The following PRELID2 variants were observed in gnomAD, a reference collection of about 807,000 sequenced individuals.
The protein encoded by PRELID2 is PRELI domain-containing protein 2.
A neutral mutation model predicts 28.4 loss-of-function variants in PRELID2; 25 were observed. That is an observed-to-expected ratio of 0.88 (90% CI 0.64 to 1.23). PRELID2 has a LOEUF of 1.23. Ranked by LOEUF, PRELID2 falls within the 50% of genes most tolerant of loss-of-function variation. The pLI, the probability that PRELID2 is intolerant of heterozygous loss-of-function variation, is 0.00. For missense variants in PRELID2, 201 were observed against 214.4 expected (o/e 0.94, Z 0.39); for synonymous variants, 76 against 71.6 (o/e 1.06, Z -0.31).
chr5:145,369,018 G>A, the PRELID2 span, among the ~76,000 whole-genome samples: 12 of 151,506 alleles, frequency 7.9e-5, no homozygotes, highest in South Asian at 4.2e-4. Context: ...CTATGTGTCC[G>A]TGTATTTTCA....
At chr5:145,413,071 A>G in the PRELID2 span, among the ~76,000 whole-genome samples, 1,724 of 152,316 alleles carry the variant, frequency 0.011, 42 homozygotes, top group African/African-American at 0.039. Context: ...GGACATAGCC[A>G]AACCATATCA....
At chr5:145,330,561 A>T in the PRELID2 span, among the ~76,000 whole-genome samples, 3 of 152,186 alleles carry the variant, frequency 2.0e-5, no homozygotes, top group African/African-American at 7.2e-5. Context: ...TTATTTGCAT[A>T]GAGATGTTTA....
rs1203835672 is a variant in PRELID2 at position 145,826,170 on chromosome 5, T to G, written c.76-3036A>C. On this transcript the variant is annotated intron_variant, in intron 1 of 6. Transcript: ENST00000683046. ...CCTAGAGAAGCTGCCATGCGCATGATCTCATTCAGTCCTTCTCAAAGCGTG... is the reference window on the plus strand; with the variant it reads ...CCTAGAGAAGCTGCCATGCGCATGAGCTCATTCAGTCCTTCTCAAAGCGTG... The G allele has an allele frequency of 1.3e-5, 13 of 985,264 alleles. No homozygotes were observed. In the Admixed American group the frequency reaches 8.0e-4, roughly 61 times the overall value. 61.0% of individuals were successfully genotyped at this position (985,264 alleles called of 1,614,324 possible).
At chr5:145,516,667 C>A (rs1222417822) in intron 1 of PRELID2, among the ~76,000 whole-genome samples, 1 of 151,960 alleles carries the variant, frequency 6.6e-6, no homozygotes, top group Non-Finnish European at 1.5e-5. Context: ...CAAAAAAGAC[C>A]CCATATAGTG....
At chr5:145,449,529 A>G in the PRELID2 span, among the ~76,000 whole-genome samples, 1 of 151,946 alleles carries the variant, frequency 6.6e-6, no homozygotes, top group South Asian at 2.1e-4. Context: ...TGGGGTTTAT[A>G]TGGGTACATA....
chr5:145,290,187 T>C, the PRELID2 span, among the ~76,000 whole-genome samples: 1 of 152,140 alleles, frequency 6.6e-6, no homozygotes, highest in Admixed American at 6.5e-5. Context: ...TGGAAGACAG[T>C]GTGGCGATTC....
At chr5:145,637,027 C>T (rs550986284) in intron 1 of PRELID2, among the ~76,000 whole-genome samples, 5 of 152,062 alleles carry the variant, frequency 3.3e-5, no homozygotes, top group Admixed American at 3.3e-4. Context: ...GAATAGACAT[C>T]CATCATTTAT....
At chr5:145,631,196 A>G (rs1193825740) in intron 1 of PRELID2, among the ~76,000 whole-genome samples, 3 of 152,130 alleles carry the variant, frequency 2.0e-5, no homozygotes, top group Non-Finnish European at 4.4e-5. Context: ...TGATCCCCCA[A>G]CCACACCAGC....
At chr5:145,296,876 T>C in the PRELID2 span, among the ~76,000 whole-genome samples, 1 of 152,334 alleles carries the variant, frequency 6.6e-6, no homozygotes, top group South Asian at 2.1e-4. Flanking sequence ...TTTTTAATGA[T>C]TGTCATTCTA....
intron 1 of PRELID2, among the ~76,000 whole-genome samples, chr5:145,738,396 C>T (rs1756556555): frequency 6.6e-6 from 1 of 152,070 alleles, no homozygotes; most frequent in African/African-American, 2.4e-5. Context: ...ATGTGGCAAA[C>T]ATTTTTAAGC....
At chr5:145,265,791 AC>A in the PRELID2 span, among the ~76,000 whole-genome samples, 807 of 152,316 alleles carry the variant, frequency 5.3e-3, 4 homozygotes, top group Middle Eastern at 0.01. Context: ...ATCATCTCTC[AC>A]ATTATACAAA....
chr5:145,335,052 C>A, the PRELID2 span, among the ~76,000 whole-genome samples: 2 of 151,886 alleles, frequency 1.3e-5, no homozygotes, highest in Non-Finnish European at 2.9e-5. Flanking sequence ...TTTAAGTAAG[C>A]TTTTATCTCC....
chr5:145,513,253 C>T (rs1009418004), intron 1 of PRELID2, among the ~76,000 whole-genome samples: 9 of 151,646 alleles, frequency 5.9e-5, no homozygotes, highest in Non-Finnish European at 8.8e-5. Context: ...AAAGGTTAGA[C>T]GAATTGCTAC....
the PRELID2 span, among the ~76,000 whole-genome samples, chr5:145,270,061 T>G: frequency 1.9e-4 from 29 of 151,648 alleles, no homozygotes; most frequent in African/African-American, 6.8e-4. Context: ...GCTAGAATGA[T>G]TACTATTAAA....
At chr5:145,499,585 C>T (rs561966073) in intron 1 of PRELID2, among the ~76,000 whole-genome samples, 3 of 152,224 alleles carry the variant, frequency 2.0e-5, no homozygotes, top group South Asian at 4.1e-4. Context: ...CCAGAGAAGC[C>T]GAAGGAGAGA....
the PRELID2 span, among the ~76,000 whole-genome samples, chr5:145,267,938 C>A: frequency 6.6e-6 from 1 of 151,934 alleles, no homozygotes; most frequent in African/African-American, 2.4e-5. Flanking sequence ...AACTGTTTAC[C>A]ATTTGTATGT....
intron 5 of PRELID2, among the ~76,000 whole-genome samples, chr5:145,788,600 T>A (rs925789113): frequency 1.3e-5 from 2 of 152,100 alleles, no homozygotes; most frequent in East Asian, 3.9e-4. Flanking sequence ...TAGACAACTA[T>A]CTCAAAAGAA....
At chr5:145,360,620 A>C in the PRELID2 span, among the ~76,000 whole-genome samples, 1 of 152,338 alleles carries the variant, frequency 6.6e-6, no homozygotes, top group Admixed American at 6.5e-5. Flanking sequence ...TTTAATGCCA[A>C]CAATATAAAA....
intron 1 of PRELID2, among the ~76,000 whole-genome samples, chr5:145,618,994 C>CTTCCATG (rs1753737451): frequency 1.3e-5 from 2 of 152,250 alleles, no homozygotes; most frequent in Admixed American, 1.3e-4. Flanking sequence ...CCTCACCCAG[C>CTTCCATG]TTCCATGCAA....
Sources: gnomAD v4.1 joint callset for allele counts (sites outside exome capture counted in the v4.1 genomes callset) on GRCh38, gnomAD v4.1.1 for gene constraint, MANE v1.5 for transcripts, NCBI Gene and HGNC (gene_info 2026-07-23, HGNC 2026-07-21) for gene names.